PEX5L: variants seen among roughly 807,000 people sequenced by gnomAD.
PEX5L encodes PEX5-related protein.
Under a neutral mutation model 84.0 loss-of-function variants are expected in PEX5L, and 30 were observed. The ratio of observed to expected loss-of-function variants is 0.36; its 90% CI spans 0.27 to 0.48. The LOEUF (loss-of-function observed/expected upper bound fraction) is 0.48, where lower values mean the gene tolerates loss of function less well. Ranked by LOEUF, PEX5L falls within the 20% of genes least tolerant of loss-of-function variation. The pLI, the probability that PEX5L is intolerant of heterozygous loss-of-function variation, is 0.99. For missense variants in PEX5L, 533 were observed against 754.6 expected, an observed-to-expected ratio of 0.71 and a Z score of 3.44; for synonymous variants, 270 against 283.1, an observed-to-expected ratio of 0.95 and a Z score of 0.46.
chr3:179,908,382 A>T (rs1763978080), intron 2 of PEX5L, among the ~76,000 whole-genome samples: 1 of 152,180 alleles, frequency 6.6e-6, no homozygotes, highest in Non-Finnish European at 1.5e-5. Context: ...TGGCACCAAC[A>T]CCCAGACTGG....
intron 1 of PEX5L, among the ~76,000 whole-genome samples, chr3:180,003,866 G>T (rs759539800): frequency 6.6e-6 from 1 of 152,274 alleles, no homozygotes; most frequent in South Asian, 2.1e-4. Context: ...ACAAATAAGT[G>T]AAGGGAATTC....
chr3:180,033,718 A>T (rs1316131216), intron 1 of PEX5L, among the ~76,000 whole-genome samples: 1 of 152,228 alleles, frequency 6.6e-6, no homozygotes, highest in Non-Finnish European at 1.5e-5. Flanking sequence ...AAAAGAAAAA[A>T]ATAAGTAAAT....
intron 1 of PEX5L, among the ~76,000 whole-genome samples, chr3:180,034,826 G>T (rs1791756402): frequency 6.6e-6 from 1 of 152,070 alleles, no homozygotes; most frequent in African/African-American, 2.4e-5. Flanking sequence ...ACAAGCAAAA[G>T]ACATTAAGTT....
chr3:179,835,145 C>G (rs1310447286), intron 8 of PEX5L, among the ~76,000 whole-genome samples: 7 of 152,154 alleles, frequency 4.6e-5, no homozygotes. Flanking sequence ...AGTTCCTGAC[C>G]TCAAGGGTCT....
chr3:179,859,504 T>C (rs1302969844), intron 7 of PEX5L, among the ~76,000 whole-genome samples: 1 of 152,226 alleles, frequency 6.6e-6, no homozygotes, highest in Non-Finnish European at 1.5e-5. Flanking sequence ...GCAGCTAGGA[T>C]GGGCAATCTC....
At chr3:179,823,568 G>A (rs573479108) in intron 8 of PEX5L, among the ~76,000 whole-genome samples, 78 of 152,134 alleles carry the variant, frequency 5.1e-4, no homozygotes, top group African/African-American at 1.9e-3. Flanking sequence ...GCTAGCATAC[G>A]TTATTTTGGT....
intron 7 of PEX5L, 50 bp downstream of exon 7, chr3:179,874,277 T>C (rs771940001): frequency 9.6e-7 from 1 of 1,038,844 alleles, no homozygotes; most frequent in Non-Finnish European, 1.5e-6. Context: ...ATTTATGCTA[T>C]ACACTATATA....
intron 7 of PEX5L, among the ~76,000 whole-genome samples, chr3:179,867,220 C>T (rs940629071): frequency 2.6e-5 from 4 of 151,864 alleles, no homozygotes; most frequent in East Asian, 1.9e-4. Context: ...AGTCTATTAT[C>T]GGGCAAAACT....
intron 2 of PEX5L, among the ~76,000 whole-genome samples, chr3:179,906,723 T>C (rs1277424330): frequency 6.6e-6 from 1 of 152,196 alleles, no homozygotes; most frequent in African/African-American, 2.4e-5. Context: ...TTTTTTTTGG[T>C]GTTATTTTTA....
chr3:179,948,493 G>T (rs1423464844), intron 2 of PEX5L, among the ~76,000 whole-genome samples: 2 of 152,218 alleles, frequency 1.3e-5, no homozygotes, highest in East Asian at 1.9e-4. Context: ...GTTGTCATCT[G>T]ACCAGAGAAG....
chr3:179,854,091 T>C (rs781580475), intron 8 of PEX5L, among the ~76,000 whole-genome samples: 80 of 144,146 alleles, frequency 5.5e-4, no homozygotes, highest in Admixed American at 1.6e-3. Context: ...CTTGGCAATA[T>C]GGTGAAACCT....
At chr3:179,895,794 C>T (rs1252557427) in intron 3 of PEX5L, 1 of 152,072 alleles carries the variant, frequency 6.6e-6, no homozygotes, top group Non-Finnish European at 1.5e-5. Flanking sequence ...GATAAAAGCT[C>T]AGTGTTTCAG....
Position 179,874,726 on chromosome 3 carries a change from GTTTTTTTTTTTGTTTTTTTTTTTT to G in PEX5L, c.630-327_630-304del, listed in dbSNP as rs1388934345. Among the ~76,000 whole-genome samples, 8 of 45,200 alleles carry G rather than the reference GTTTTTTTTTTTGTTTTTTTTTTTT, an allele frequency of 1.8e-4. No individual in the cohort carries two copies. The East Asian group carries it at 2.6e-3, about 15-fold the overall frequency. The allele number at this position is 45,200 out of a possible 152,430, so 29.7% of individuals were successfully genotyped here. A position where few individuals can be genotyped will look rare whatever the true frequency, so the allele number is the denominator to read the frequency against. On this transcript the variant is annotated intron_variant, in intron 6 of 14. Coordinates refer to ENST00000467460, the MANE Select transcript of PEX5L (RefSeq NM_016559.3). Reference sequence around the variant, plus strand: ...AATTCTGTTTCATAAAAAAATTATGGTTTTTTTTTTTGTTTTTTTTTTTTTTTTTTTTTTTTGGTAGGGGAAGAA... The same window carrying G: ...AATTCTGTTTCATAAAAAAATTATGGTTTTTTTTTTTTGGTAGGGGAAGAA...
chr3:180,032,247 A>G (rs1456833157), intron 1 of PEX5L, among the ~76,000 whole-genome samples: 1 of 152,214 alleles, frequency 6.6e-6, no homozygotes, highest in African/African-American at 2.4e-5. Flanking sequence ...AGTTCTAGTT[A>G]ATATTTCATC....
chr3:180,006,744 G>A (rs552583808), intron 1 of PEX5L, among the ~76,000 whole-genome samples: 25 of 152,206 alleles, frequency 1.6e-4, no homozygotes, highest in African/African-American at 5.5e-4. Context: ...AAGCAAAAGC[G>A]GAAACCCCTG....
chr3:179,989,116 C>T (rs1344080439), intron 1 of PEX5L, among the ~76,000 whole-genome samples: 1 of 152,150 alleles, frequency 6.6e-6, no homozygotes, highest in Admixed American at 6.5e-5. Flanking sequence ...AGGGATAATT[C>T]TGAGGCCATG....
chr3:179,945,752 T>C (rs1369460637), intron 2 of PEX5L, among the ~76,000 whole-genome samples: 1 of 152,224 alleles, frequency 6.6e-6, no homozygotes, highest in Non-Finnish European at 1.5e-5. Flanking sequence ...TTCTGCTTCA[T>C]GGCAGCCAGT....
At chr3:179,959,842 C>T (rs1560928976) in intron 2 of PEX5L, among the ~76,000 whole-genome samples, 2 of 152,168 alleles carry the variant, frequency 1.3e-5, no homozygotes, top group South Asian at 2.1e-4. Context: ...GGCAGCAGAG[C>T]AGAATAAGGA....
At chr3:179,806,256 C>T (rs966142130) in intron 14 of PEX5L, among the ~76,000 whole-genome samples, 1 of 152,064 alleles carries the variant, frequency 6.6e-6, no homozygotes, top group African/African-American at 2.4e-5. Context: ...AGTTAGGATA[C>T]AAAATAGACA....
Sources: allele counts gnomAD v4.1 joint callset (sites outside exome capture counted in the v4.1 genomes callset), GRCh38; gene constraint gnomAD v4.1.1; transcripts MANE v1.5; gene names NCBI Gene and HGNC (gene_info 2026-07-23, HGNC 2026-07-21).